The following SUN2 variants were observed in gnomAD, a reference collection of about 807,000 sequenced individuals.
The protein encoded by SUN2 is SUN domain-containing protein 2.
A neutral mutation model predicts 100.0 loss-of-function variants in SUN2; 60 were observed. That is an observed-to-expected ratio of 0.60 (90% confidence interval 0.49 to 0.74). The LOEUF is 0.74. Among genes scored for constraint, SUN2 ranks in the 30% least tolerant of loss-of-function variants. The probability of loss-of-function intolerance (pLI) is 0.00; values close to 1 mark genes in which losing one functional copy is unlikely to be tolerated. For missense variants in SUN2, 834 were observed against 954.6 expected (o/e 0.87, Z 1.66); for synonymous variants, 367 against 403.3 (o/e 0.91, Z 1.08).
chr22:38,742,638 CAG>C (rs2145983562), intron 8 of SUN2, 83 bp from the exon 9 acceptor site: 1 of 1,489,780 alleles, frequency 6.7e-7, no homozygotes, highest in South Asian at 1.3e-5. Context: ...ACAGCCAACA[CAG>C]AAAGAAAGGG....
At chr22:38,746,789 T>A (rs528619261) in intron 7 of SUN2, among the ~76,000 whole-genome samples, 1 of 151,234 alleles carries the variant, frequency 6.6e-6, no homozygotes, top group African/African-American at 2.4e-5. Flanking sequence ...CCCAGCACTT[T>A]GGGAGGCCGA....
Position 38,742,594 on chromosome 22 carries a change from T to C in SUN2, c.814-39A>G, listed in dbSNP as rs1163059909. 1.9e-6 allele frequency: 3 copies of C among 1,578,668 alleles called. No homozygotes were observed. The South Asian group carries it at 3.4e-5, about 18-fold the overall frequency. On this transcript the variant is annotated intron_variant, in intron 8 of 17. Transcript: ENST00000689035. The stretch of plus-strand genomic sequence containing the variant: ...GAGAGAGCCACGGAGTGAGGGACCC[T>C]TGGATGATAGTGCTTCCCAAAGACC...
At position 38,755,046 on chromosome 22, in the gene SUN2, G is replaced by T. The variant is rs1360354538; in HGVS notation, c.-38+717C>A. On this transcript the variant is annotated intron_variant, in intron 1 of 17. Coordinates refer to ENST00000689035, the MANE Select transcript of SUN2 (RefSeq NM_015374.3). This position sits in a 1 kb window ranked among gnomAD's most constrained non-coding sequence, Gnocchi z 5.7. ...CCTCCCTAACAATCAGTTAGGAAACGCTCATCGGAAAGCATCCTTCCCCAC... is the reference window on the plus strand; with the variant it reads ...CCTCCCTAACAATCAGTTAGGAAACTCTCATCGGAAAGCATCCTTCCCCAC... 12 of 1,096,092 alleles carry T rather than the reference G, an allele frequency of 1.1e-5. No homozygotes were observed. Among genetic ancestry groups the T allele is most frequent in the Non-Finnish European group, 1.4e-5 (12 of 848,848 alleles). 67.9% of individuals were successfully genotyped at this position (1,096,092 alleles called of 1,614,324 possible).
rs1476125288 is a variant in SUN2, at chr22:38,755,507, C to G, written c.-38+256G>C. 1 of 985,344 alleles carries G rather than the reference C, an allele frequency of 1.0e-6. No individual in the cohort carries two copies. The highest frequency in any genetic ancestry group is 1.2e-6 in the Non-Finnish European group (1 of 829,606). The allele number at this position is 985,344 out of a possible 1,614,324, so 61.0% of individuals were successfully genotyped here. A position where few individuals can be genotyped will look rare whatever the true frequency, so the allele number is the denominator to read the frequency against. On this transcript the variant is annotated intron_variant, in intron 1 of 17. Transcript: ENST00000689035. The surrounding 1 kb of genome is among the most constrained non-coding windows in gnomAD (Gnocchi z 5.7). ...CAGTCGGCCTTTGCCCTCCTCCTCC[C>G]GGGAGGCTGCCCGGGAAGTCCCGCC...
Position 38,738,447 on chromosome 22 carries a change from G to T in SUN2, c.1947+140C>A. The stretch of plus-strand genomic sequence containing the variant: ...CTAAGGTAACAGGGACTGAAGTGCT[G>T]TCTCCCACCCTAGCTCCTCCTCTTC... On this transcript the variant is annotated intron_variant, in intron 16 of 17. Coordinates refer to ENST00000689035, the MANE Select transcript of SUN2 (RefSeq NM_015374.3). The surrounding 1 kb of genome is among the most constrained non-coding windows in gnomAD (Gnocchi z 6.6). 1 of 1,244,376 alleles carries T rather than the reference G, an allele frequency of 8.0e-7. No homozygotes were observed. Among genetic ancestry groups the T allele is most frequent in the Non-Finnish European group, 1.1e-6 (1 of 884,192 alleles). The allele number at this position is 1,244,376 out of a possible 1,614,324, so 77.1% of individuals were successfully genotyped here. A position where few individuals can be genotyped will look rare whatever the true frequency, so the allele number is the denominator to read the frequency against.
chr22:38,754,173 A>T (rs1176554070), intron 1 of SUN2, among the ~76,000 whole-genome samples: 2 of 152,146 alleles, frequency 1.3e-5, no homozygotes, highest in African/African-American at 2.4e-5. Flanking sequence ...TTAATGAACC[A>T]CTCAGGTCTA....
intron 6 of SUN2, 49 bp from the exon 7 acceptor site, chr22:38,748,832 G>C: frequency 1.3e-6 from 2 of 1,580,578 alleles, no homozygotes; most frequent in Middle Eastern, 3.3e-4. Context: ...TGTGAGGGGA[G>C]CTCCAGGCCT....
rs944534923 is a variant in SUN2 at position 38,738,394 on chromosome 22, C to G, written c.1948-129G>C. Reference sequence around the variant, plus strand: ...GGCCTATGACAAGTCACTTCACTCTCTTGTGCCACAGTTTCTGCCTCCAAA... The same window carrying G: ...GGCCTATGACAAGTCACTTCACTCTGTTGTGCCACAGTTTCTGCCTCCAAA... On this transcript the variant is annotated intron_variant, in intron 16 of 17. Coordinates refer to ENST00000689035, the MANE Select transcript of SUN2 (RefSeq NM_015374.3). This position sits in a 1 kb window ranked among gnomAD's most constrained non-coding sequence, Gnocchi z 6.6. 2 of 1,096,540 alleles carry G rather than the reference C, an allele frequency of 1.8e-6. No individual in the cohort carries two copies. The highest frequency in any genetic ancestry group is 2.6e-6 in the Non-Finnish European group (2 of 757,778). 67.9% of individuals were successfully genotyped at this position (1,096,540 alleles called of 1,614,324 possible).
chr22:38,741,494 C>G lies in SUN2; in HGVS notation c.1146G>C (p.Gln382His), dbSNP rs1274509559. 1.9e-6 allele frequency: 3 copies of G among 1,613,918 alleles called. No homozygotes were observed. ...DLFKKIVRAS[Q>H]ESEARIQQLK... The stretch of plus-strand genomic sequence containing the variant: ...CCCTGAGTGCCGCAAGCCCGCTGAC[C>G]TGGGAGGCCCGGACGATCTTCTTGA... The change falls in exon 10 of 18, where the codon CAG becomes CAC. Residue 382 changes from glutamine to histidine, a missense_variant and splice_region_variant. Around this residue, in one of 3 missense-constraint regions of SUN2, gnomAD observed 559 missense variants for 597.7 expected, o/e 0.94. Transcript: ENST00000689035.
Position 38,739,422 on chromosome 22 carries a change from A to AC in SUN2, c.1582dup (p.Val528GlyfsTer14). ...CAGGGCCTGCTTCACGATGTGGTGC[A>AC]CCTGCTGCAATGCAGGCACCAGGAG... On this transcript the variant is annotated frameshift_variant, in exon 14 of 18. Coordinates refer to ENST00000689035, the MANE Select transcript of SUN2 (RefSeq NM_015374.3). LOFTEE classifies it high-confidence loss of function. The surrounding 1 kb of genome is among the most constrained non-coding windows in gnomAD (Gnocchi z 6.7). The AC allele has an allele frequency of 1.2e-6, 2 of 1,612,964 alleles. No homozygotes were observed. Among genetic ancestry groups the AC allele is most frequent in the African/African-American group, 1.3e-5 (1 of 75,052 alleles).
chr22:38,739,962 G>GGCT lies in SUN2; in HGVS notation c.1357-20_1357-19insAGC. The GGCT allele has an allele frequency of 6.9e-6, 11 of 1,605,436 alleles. No individual in the cohort carries two copies. The highest frequency in any genetic ancestry group is 9.3e-6 in the Non-Finnish European group (11 of 1,178,470). On this transcript the variant is annotated intron_variant, in intron 12 of 17. Coordinates refer to ENST00000689035, the MANE Select transcript of SUN2 (RefSeq NM_015374.3). The surrounding 1 kb of genome is among the most constrained non-coding windows in gnomAD (Gnocchi z 6.7). Reference sequence around the variant, plus strand: ...ATTCCACCTATAGGAACCCAAAGGGGTGTCACCCTGGGGGGCTTGCAGGGA... The same window carrying GGCT: ...ATTCCACCTATAGGAACCCAAAGGGGGCTTGTCACCCTGGGGGGCTTGCAGGGA...
chr22:38,741,761 T>C (rs1222305152), intron 9 of SUN2, among the ~76,000 whole-genome samples, 190 bp from the exon 10 acceptor site: 1 of 152,168 alleles, frequency 6.6e-6, no homozygotes, highest in East Asian at 1.9e-4. Flanking sequence ...TCAGGTACCA[T>C]GCTGGGGCTT....
rs77470650 is a variant in SUN2 at position 38,739,694 on chromosome 22, T to C, written c.1578+28A>G. The C allele has an allele frequency of 3.7e-3, 5,992 of 1,605,898 alleles. 218 individuals are homozygous for C. In the African/African-American group the frequency reaches 0.072, roughly 19 times the overall value. ...CCCAGGGAGGAGAGCTGTGGGTGGG[T>C]GTGTGGAGAGGGGCATGTGGGCCTC... On this transcript the variant is annotated intron_variant, in intron 13 of 17. Coordinates refer to ENST00000689035, the MANE Select transcript of SUN2 (RefSeq NM_015374.3). This position sits in a 1 kb window ranked among gnomAD's most constrained non-coding sequence, Gnocchi z 6.7.
rs779431966 is a variant in SUN2 at position 38,739,709 on chromosome 22, A to T, written c.1578+13T>A. On this transcript the variant is annotated intron_variant, in intron 13 of 17. Coordinates refer to ENST00000689035, the MANE Select transcript of SUN2 (RefSeq NM_015374.3). The surrounding 1 kb of genome is among the most constrained non-coding windows in gnomAD (Gnocchi z 6.7). ...TGTGGGTGGGTGTGTGGAGAGGGGC[A>T]TGTGGGCCTCACCTCCTCTGTCACT... 1.9e-6 allele frequency: 3 copies of T among 1,612,006 alleles called. No individual in the cohort carries two copies. Among genetic ancestry groups the T allele is most frequent in the Non-Finnish European group, 2.5e-6 (3 of 1,178,932 alleles).
intron 2 of SUN2, 163 bp from the exon 3 acceptor site, chr22:38,751,536 A>G (rs996804062): frequency 2.9e-6 from 2 of 680,202 alleles, no homozygotes; most frequent in East Asian, 2.7e-5. Flanking sequence ...CAATGCTGGC[A>G]CGTCCTCTCC....
At position 38,740,728 on chromosome 22, in the gene SUN2, T is replaced by G; in HGVS notation, c.1190+279A>C. The G allele has an allele frequency of 1.7e-6, 1 of 585,456 alleles. No individual in the cohort carries two copies. 36.3% of individuals were successfully genotyped at this position (585,456 alleles called of 1,614,324 possible). A position where few individuals can be genotyped will look rare whatever the true frequency, so the allele number is the denominator to read the frequency against. On this transcript the variant is annotated intron_variant, in intron 11 of 17. Coordinates refer to ENST00000689035, the MANE Select transcript of SUN2 (RefSeq NM_015374.3). This position sits in a 1 kb window ranked among gnomAD's most constrained non-coding sequence, Gnocchi z 4.8. ...GGACATCTGGGGCATGAGAAGGCAG[T>G]TATGTGAGGCTGTAAGAAAGGATGC...
chr22:38,750,954 G>C lies in SUN2; in HGVS notation c.368C>G (p.Ala123Gly). The change falls in exon 4 of 18, where the codon GCC becomes GGC. Residue 123 changes from alanine to glycine, a missense_variant. Coordinates refer to ENST00000689035, the MANE Select transcript of SUN2 (RefSeq NM_015374.3). ...GGAAGAGCCCAGGAAGTCCTCGGTGGCCTTGCGCCCCACAAGCCCGCTGGC... is the reference window on the plus strand; with the variant it reads ...GGAAGAGCCCAGGAAGTCCTCGGTGCCCTTGCGCCCCACAAGCCCGCTGGC... Reference protein sequence around the residue: ...SRASGLVGRKATEDFLGSSSG... With the variant: ...SRASGLVGRKGTEDFLGSSSG... 1 of 1,613,894 alleles carries C rather than the reference G, an allele frequency of 6.2e-7. No homozygotes were observed. The highest frequency in any genetic ancestry group is 8.5e-7 in the Non-Finnish European group (1 of 1,180,000).
At position 38,741,527 on chromosome 22, in the gene SUN2, T is replaced by C. The variant is rs753471691; in HGVS notation, c.1113A>G (p.Glu371=). Residue 371 remains glutamate (E), a synonymous_variant, in exon 10 of 18, where the codon GAA becomes GAG. Coordinates refer to ENST00000689035, the MANE Select transcript of SUN2 (RefSeq NM_015374.3). ...ALRAEHQQDS[E]DLFKKIVRAS... ...CCCGGACGATCTTCTTGAAGAGGTCTTCTGAGTCTTGCTGATGCTCTGCTC... is the reference window on the plus strand; with the variant it reads ...CCCGGACGATCTTCTTGAAGAGGTCCTCTGAGTCTTGCTGATGCTCTGCTC... The C allele has an allele frequency of 1.1e-5, 18 of 1,614,056 alleles. No individual in the cohort carries two copies. Among genetic ancestry groups the C allele is most frequent in the Non-Finnish European group, 1.5e-5 (18 of 1,180,026 alleles).
rs761761956 is a variant in SUN2, at chr22:38,739,978, C to A, written c.1357-35G>T. 1.9e-6 allele frequency: 3 copies of A among 1,594,690 alleles called. No individual in the cohort carries two copies. Among genetic ancestry groups the A allele is most frequent in the Non-Finnish European group, 2.6e-6 (3 of 1,172,640 alleles). The stretch of plus-strand genomic sequence containing the variant: ...CCCAAAGGGGTGTCACCCTGGGGGG[C>A]TTGCAGGGACAGCAGGAGCTGCTAT... On this transcript the variant is annotated intron_variant, in intron 12 of 17. Coordinates refer to ENST00000689035, the MANE Select transcript of SUN2 (RefSeq NM_015374.3). The surrounding 1 kb of genome is among the most constrained non-coding windows in gnomAD (Gnocchi z 6.7).
Sources: gnomAD v4.1 joint callset for allele counts (sites outside exome capture counted in the v4.1 genomes callset) on GRCh38, gnomAD v4.1.1 for gene constraint, gnomAD v4.1.1 regional missense constraint, Gnocchi (gnomAD v3.1) non-coding constraint, MANE v1.5 for transcripts, NCBI Gene and HGNC (gene_info 2026-07-23, HGNC 2026-07-21) for gene names.